Variants in ZNF131 observed in about 807,000 individuals in gnomAD.
The protein encoded by ZNF131 is zinc finger protein 131.
ZNF131 carries 7 observed loss-of-function variants against 60.0 expected under a neutral mutation model. That is an observed-to-expected ratio of 0.12 (90% confidence interval 0.07 to 0.22). The LOEUF (loss-of-function observed/expected upper bound fraction) is 0.22, where lower values mean the gene tolerates loss of function less well. Ranked by LOEUF, ZNF131 falls within the 10% of genes least tolerant of loss-of-function variation. The probability of loss-of-function intolerance (pLI) is 1.00; values close to 1 mark genes in which losing one functional copy is unlikely to be tolerated. For missense variants in ZNF131, 493 were observed against 740.9 expected (o/e 0.67, Z 3.88); for synonymous variants, 257 against 253.2 (o/e 1.01, Z -0.14).
At chr5:43,134,715 T>G (rs1400369276) in intron 3 of ZNF131, among the ~76,000 whole-genome samples, 2 of 145,380 alleles carry the variant, frequency 1.4e-5, no homozygotes, top group Non-Finnish European at 3.0e-5. Flanking sequence ...TTTTTTTTTT[T>G]GGGAGACAGA....
At chr5:43,125,183 T>G (rs1164039703) in intron 3 of ZNF131, 1 of 151,744 alleles carries the variant, frequency 6.6e-6, no homozygotes, top group African/African-American at 2.4e-5. Flanking sequence ...AATAAAGGAG[T>G]GCAAAAAGTA....
chr5:43,174,753 G>A lies in ZNF131; in HGVS notation c.1492G>A (p.Val498Ile), dbSNP rs1561455819. Residue 498 changes from valine to isoleucine, a missense_variant, in exon 7 of 7, where the codon GTC becomes ATC. Physicochemically the swap from Val to Ile is conservative, Grantham distance 29. Around this residue, in one of 7 missense-constraint regions of ZNF131, gnomAD observed 202 missense variants for 221.3 expected, o/e 0.91. Coordinates refer to ENST00000682664, the MANE Select transcript of ZNF131 (RefSeq NM_001330707.2). ...TTCAGCACAAGTGACTGTGGAACAAGTCCATCCAGATCTGCTCCAGGACAG... is the reference window on the plus strand; with the variant it reads ...TTCAGCACAAGTGACTGTGGAACAAATCCATCCAGATCTGCTCCAGGACAG... ...VDSAQVTVEQVHPDLLQDSQV... is the reference protein window; with the variant it reads ...VDSAQVTVEQIHPDLLQDSQV... 6.2e-7 allele frequency: 1 copy of A among 1,614,198 alleles called. No homozygotes were observed.
intron 4 of ZNF131, among the ~76,000 whole-genome samples, chr5:43,147,130 G>A (rs1014312662): frequency 6.6e-6 from 1 of 152,070 alleles, no homozygotes. Flanking sequence ...TTAGAGATTT[G>A]TCCAGGTGGT....
rs771971738 is a variant in ZNF131, at chr5:43,175,142, A to G, written c.*9A>G. 2 of 1,591,876 alleles carry G rather than the reference A, an allele frequency of 1.3e-6. No homozygotes were observed. Among genetic ancestry groups the G allele is most frequent in the South Asian group, 1.1e-5 (1 of 87,786 alleles). On this transcript the variant is annotated 3_prime_UTR_variant, in exon 7 of 7. Transcript: ENST00000682664. ...TGCCAGTTTTAGAATGAAATTACAC[A>G]TGAATATATTTTTAAATTTACTTGT...
intron 4 of ZNF131, among the ~76,000 whole-genome samples, chr5:43,147,429 A>T (rs1254904718): frequency 1.3e-5 from 2 of 150,216 alleles, no homozygotes; most frequent in African/African-American, 2.4e-5. Context: ...TTATTTATTT[A>T]TTTTTTGAGA....
At chr5:43,125,077 T>C (rs1307294537) in intron 3 of ZNF131, 3 of 150,860 alleles carry the variant, frequency 2.0e-5, no homozygotes, top group African/African-American at 7.3e-5. Context: ...ATCTATAATA[T>C]ATCATGTACT....
In ZNF131 at chr5:43,146,140, A is replaced by G. The variant is rs149246383; in HGVS notation, c.371+6831A>G. 1.3e-3 allele frequency among the ~76,000 whole-genome samples: 198 copies of G among 152,350 alleles called. 2 individuals are homozygous for G. In the Middle Eastern group the frequency reaches 0.027, roughly 21 times the overall value. ...TAGCTGGACTACTTAAGGCAACTGT[A>G]TAACTATTTTGCAAATACAGAAGGT... On this transcript the variant is annotated intron_variant, in intron 4 of 6. Transcript: ENST00000682664.
At chr5:43,151,959 T>G (rs1193218072) in intron 4 of ZNF131, among the ~76,000 whole-genome samples, 1 of 151,930 alleles carries the variant, frequency 6.6e-6, no homozygotes, top group Non-Finnish European at 1.5e-5. Flanking sequence ...GTTCTAGTTT[T>G]TGGAGAGACT....
intron 5 of ZNF131, among the ~76,000 whole-genome samples, chr5:43,163,469 G>A (rs1749999834): frequency 6.6e-6 from 1 of 152,208 alleles, no homozygotes; most frequent in Admixed American, 6.5e-5. Flanking sequence ...AATGTCCTGA[G>A]AAATCTACCT....
chr5:43,155,356 CAA>C (rs1748827752), intron 4 of ZNF131, among the ~76,000 whole-genome samples: 1 of 152,170 alleles, frequency 6.6e-6, no homozygotes, highest in Non-Finnish European at 1.5e-5. Context: ...TCAGTTTCAA[CAA>C]GAGCGCAACA....
At chr5:43,143,738 G>C (rs909887721) in intron 4 of ZNF131, among the ~76,000 whole-genome samples, 2 of 151,982 alleles carry the variant, frequency 1.3e-5, no homozygotes, top group Admixed American at 6.6e-5. Context: ...TACACCATCA[G>C]TGTCCCATCA....
intron 4 of ZNF131, among the ~76,000 whole-genome samples, chr5:43,158,840 A>G (rs1749285744): frequency 7.0e-6 from 1 of 142,914 alleles, no homozygotes; most frequent in African/African-American, 2.5e-5. Flanking sequence ...TTCCTTTTCC[A>G]GAAAGCCTTT....
Position 43,160,967 on chromosome 5 carries a change from C to T in ZNF131, c.372-282C>T, listed in dbSNP as rs1297378263. On this transcript the variant is annotated intron_variant, in intron 4 of 6. Transcript: ENST00000682664. Reference sequence around the variant, plus strand: ...AAGTGTTGCGATTACAGGCATGAGCCACTGCACCTGACTGGCACCTTTTTT... The same window carrying T: ...AAGTGTTGCGATTACAGGCATGAGCTACTGCACCTGACTGGCACCTTTTTT... Among the ~76,000 whole-genome samples, 3 of 152,152 alleles carry T rather than the reference C, an allele frequency of 2.0e-5. No homozygotes were observed. In the East Asian group the frequency reaches 5.8e-4, roughly 29 times the overall value.
At chr5:43,162,969 CTTT>C (rs1205635519) in intron 5 of ZNF131, among the ~76,000 whole-genome samples, 3 of 64,924 alleles carry the variant, frequency 4.6e-5, no homozygotes, top group African/African-American at 1.0e-4. Context: ...TTTTATTTGC[CTTT>C]TTTTTTTTTT....
chr5:43,139,137 C>T (rs1746494980), intron 3 of ZNF131, 28 bp from the exon 4 acceptor site: 4 of 1,503,796 alleles, frequency 2.7e-6, no homozygotes, highest in South Asian at 1.5e-5. Flanking sequence ...AATATGATTA[C>T]ATGCTCTAAT....
chr5:43,154,456 A>T (rs1388575290), intron 4 of ZNF131, among the ~76,000 whole-genome samples: 2 of 151,968 alleles, frequency 1.3e-5, no homozygotes, highest in African/African-American at 2.4e-5. Context: ...GCAATGGTGA[A>T]GCACCACTGA....
chr5:43,171,014 G>A (rs1355203520), intron 5 of ZNF131, among the ~76,000 whole-genome samples: 3 of 149,884 alleles, frequency 2.0e-5, no homozygotes, highest in Non-Finnish European at 3.0e-5. Flanking sequence ...GCCTGTTCTC[G>A]GCTCACTGCA....
chr5:43,167,296 G>C (rs922374087), intron 5 of ZNF131, among the ~76,000 whole-genome samples: 3 of 152,156 alleles, frequency 2.0e-5, no homozygotes, highest in African/African-American at 7.2e-5. Context: ...TGCTGTTGGG[G>C]AAAATGGCAG....
rs1751454570 is a variant in ZNF131 at position 43,175,252 on chromosome 5, T to C, written c.*119T>C. On this transcript the variant is annotated 3_prime_UTR_variant, in exon 7 of 7. Coordinates refer to ENST00000682664, the MANE Select transcript of ZNF131 (RefSeq NM_001330707.2). ...TGGACCAAAGTTAAGCTGTTTCCTGTTGTGCTGAACTGTTGTCCGTTGAAA... is the reference window on the plus strand; with the variant it reads ...TGGACCAAAGTTAAGCTGTTTCCTGCTGTGCTGAACTGTTGTCCGTTGAAA... The C allele has an allele frequency of 2.8e-6, 3 of 1,054,404 alleles. No homozygotes were observed. The highest frequency in any genetic ancestry group is 4.0e-6 in the Non-Finnish European group (3 of 741,726). The allele number at this position is 1,054,404 out of a possible 1,614,324, so 65.3% of individuals were successfully genotyped here.
Sources: gnomAD v4.1 joint callset for allele counts (sites outside exome capture counted in the v4.1 genomes callset) on GRCh38, gnomAD v4.1.1 for gene constraint, gnomAD v4.1.1 regional missense constraint, MANE v1.5 for transcripts, NCBI Gene and HGNC (gene_info 2026-07-23, HGNC 2026-07-21) for gene names.